The following CSMD3 variants were observed in gnomAD, a reference collection of about 807,000 sequenced individuals.
CSMD3 encodes the protein CUB and Sushi multiple domains 3.
Under a neutral mutation model 435.2 loss-of-function variants are expected in CSMD3, and 177 were observed. The observed-to-expected ratio is 0.41, with a 90% CI of 0.36 to 0.46. The LOEUF (loss-of-function observed/expected upper bound fraction) is 0.46. Among genes scored for constraint, CSMD3 ranks in the 20% least tolerant of loss-of-function variants. The pLI, the probability that CSMD3 is intolerant of heterozygous loss-of-function variation, is 0.34. For synonymous variants in CSMD3, 1,656 were observed against 1,520.5 expected (o/e 1.09, Z -2.07); for missense variants, 4,265 against 4,504.6 (o/e 0.95, Z 1.52).
chr8:113,307,606 A>C (rs1276323349), intron 2 of CSMD3, among the ~76,000 whole-genome samples: 3 of 152,204 alleles, frequency 2.0e-5, no homozygotes, highest in Admixed American at 2.0e-4. Context: ...GATTGGAAGA[A>C]AATAATTGCA....
intron 10 of CSMD3, among the ~76,000 whole-genome samples, chr8:112,890,995 C>A (rs1194173236): frequency 6.6e-6 from 1 of 151,726 alleles, no homozygotes; most frequent in African/African-American, 2.4e-5. Flanking sequence ...CTATGAAATA[C>A]ATACATCTAT....
At chr8:112,304,652 G>A (rs2130775465) in intron 52 of CSMD3, 69 bp downstream of exon 52, 1 of 1,146,254 alleles carries the variant, frequency 8.7e-7, no homozygotes, top group Admixed American at 1.7e-5. Context: ...GTTTATGAAA[G>A]GAACTGATTC....
intron 37 of CSMD3, among the ~76,000 whole-genome samples, chr8:112,382,448 C>A (rs1221175428): frequency 6.6e-6 from 1 of 152,056 alleles, no homozygotes; most frequent in Non-Finnish European, 1.5e-5. Context: ...CCAGATATTT[C>A]TTTCTTTTCC....
intron 5 of CSMD3, among the ~76,000 whole-genome samples, chr8:113,062,451 G>A (rs2088657664): frequency 6.6e-6 from 1 of 151,914 alleles, no homozygotes; most frequent in African/African-American, 2.4e-5. Flanking sequence ...CCAGTTGGTT[G>A]ATTAAATAGA....
intron 3 of CSMD3, among the ~76,000 whole-genome samples, chr8:113,214,435 G>GCAT (rs1170618968): frequency 6.6e-6 from 1 of 151,794 alleles, no homozygotes; most frequent in Non-Finnish European, 1.5e-5. Context: ...TATGATACTG[G>GCAT]CATCAGTATT....
At chr8:112,686,459 T>C (rs77140144) in intron 14 of CSMD3, among the ~76,000 whole-genome samples, 3,763 of 151,934 alleles carry the variant, frequency 0.025, 78 homozygotes, top group East Asian at 0.073. Context: ...TAAGTATTGA[T>C]ATATTATCTT....
At chr8:112,920,657 G>C (rs1330673643) in intron 10 of CSMD3, among the ~76,000 whole-genome samples, 1 of 151,626 alleles carries the variant, frequency 6.6e-6, no homozygotes, top group Non-Finnish European at 1.5e-5. Context: ...TACACTATGG[G>C]TAGTCAAATT....
intron 2 of CSMD3, among the ~76,000 whole-genome samples, chr8:113,291,910 T>C (rs1435277510): frequency 6.6e-6 from 1 of 151,852 alleles, no homozygotes; most frequent in African/African-American, 2.4e-5. Flanking sequence ...ATTTTCATTT[T>C]TCAAGGTTCT....
At chr8:112,700,276 G>A (rs759403742) in intron 13 of CSMD3, among the ~76,000 whole-genome samples, 13 of 151,794 alleles carry the variant, frequency 8.6e-5, no homozygotes, top group Admixed American at 4.6e-4. Flanking sequence ...CAAGGAAGGC[G>A]GATCACCTGA....
intron 47 of CSMD3, among the ~76,000 whole-genome samples, chr8:112,317,973 T>G (rs1324327858): frequency 6.6e-6 from 1 of 152,098 alleles, no homozygotes; most frequent in Non-Finnish European, 1.5e-5. Flanking sequence ...TTATGATAAT[T>G]GTGTGTTAGG....
intron 4 of CSMD3, among the ~76,000 whole-genome samples, chr8:113,106,416 C>A (rs1374778937): frequency 1.3e-5 from 2 of 152,098 alleles, no homozygotes; most frequent in African/African-American, 4.8e-5. Context: ...AGAAACTATT[C>A]AGAATGCAGC....
At chr8:112,947,194 CATT>C (rs2083639239) in intron 9 of CSMD3, among the ~76,000 whole-genome samples, 1 of 151,460 alleles carries the variant, frequency 6.6e-6, no homozygotes, top group Non-Finnish European at 1.5e-5. Flanking sequence ...TATTAAAAAG[CATT>C]ATTTGATAGT....
rs1303900697 is a variant in CSMD3, at chr8:113,095,854, T to G, written c.917+2902A>C. ...TATAAGGAACTTCAGCATCCCAAGA[T>G]TTTTGTATAATCAGGGGTGGTCCTG... On this transcript the variant is annotated intron_variant, in intron 5 of 70. Coordinates refer to ENST00000297405, the MANE Select transcript of CSMD3 (RefSeq NM_198123.2). 3.3e-5 allele frequency among the ~76,000 whole-genome samples: 5 copies of G among 152,202 alleles called. No individual in the cohort carries two copies. In the East Asian group the frequency reaches 9.7e-4, roughly 29 times the overall value.
At chr8:112,795,122 T>C (rs2078795971) in intron 13 of CSMD3, among the ~76,000 whole-genome samples, 2 of 152,150 alleles carry the variant, frequency 1.3e-5, no homozygotes, top group Admixed American at 1.3e-4. Flanking sequence ...ACTGACAAAT[T>C]TCCTGACTCA....
intron 13 of CSMD3, among the ~76,000 whole-genome samples, chr8:112,790,410 A>T (rs1376474087): frequency 6.6e-6 from 1 of 151,912 alleles, no homozygotes; most frequent in Non-Finnish European, 1.5e-5. Context: ...AGATGTTTCC[A>T]GTTTCAAAAA....
chr8:112,594,749 G>C (rs1266579599), intron 22 of CSMD3, among the ~76,000 whole-genome samples: 2 of 152,114 alleles, frequency 1.3e-5, no homozygotes, highest in Non-Finnish European at 2.9e-5. Context: ...CCCCCAGTAG[G>C]GGCACACTGA....
At chr8:113,233,410 A>G (rs577398783) in intron 3 of CSMD3, among the ~76,000 whole-genome samples, 1 of 151,282 alleles carries the variant, frequency 6.6e-6, no homozygotes, top group Non-Finnish European at 1.5e-5. Flanking sequence ...GAAATTAAAA[A>G]CATGATTGTT....
intron 4 of CSMD3, among the ~76,000 whole-genome samples, chr8:113,135,153 A>G (rs2091384389): frequency 1.3e-5 from 2 of 151,990 alleles, no homozygotes; most frequent in Admixed American, 6.6e-5. Flanking sequence ...TTTGAAAAGC[A>G]AGTGTTGGCA....
At chr8:112,283,348 A>T (rs996035639) in intron 58 of CSMD3, among the ~76,000 whole-genome samples, 11 of 151,812 alleles carry the variant, frequency 7.2e-5, no homozygotes, top group Non-Finnish European at 1.5e-4. Context: ...TTTAAAAATC[A>T]TGGTACCATT....
Sources: allele counts gnomAD v4.1 joint callset (sites outside exome capture counted in the v4.1 genomes callset), GRCh38; gene constraint gnomAD v4.1.1; transcripts MANE v1.5; gene names NCBI Gene and HGNC (gene_info 2026-07-23, HGNC 2026-07-21).